Variants in CAP2 observed in about 807,000 individuals in gnomAD.
CAP2 encodes cyclase associated actin cytoskeleton regulatory protein 2.
Under a neutral mutation model 57.7 loss-of-function variants are expected in CAP2, and 24 were observed. The observed-to-expected ratio is 0.42, with a 90% CI of 0.30 to 0.58. The LOEUF is 0.58. Among genes scored for constraint, CAP2 ranks in the 20% least tolerant of loss-of-function variants. The pLI is 0.22. For synonymous variants in CAP2, 194 were observed against 207.2 expected (o/e 0.94, Z 0.55); for missense variants, 501 against 590.3 (o/e 0.85, Z 1.57).
At chr6:17,503,091 T>C (rs540025103) in intron 4 of CAP2, among the ~76,000 whole-genome samples, 1 of 152,304 alleles carries the variant, frequency 6.6e-6, no homozygotes, top group East Asian at 1.9e-4. Flanking sequence ...TTTTGTTTGT[T>C]CTATTGTTGA....
At chr6:17,487,616 C>T (rs1438598776) in intron 4 of CAP2, among the ~76,000 whole-genome samples, 2 of 152,112 alleles carry the variant, frequency 1.3e-5, no homozygotes, top group Non-Finnish European at 2.9e-5. Flanking sequence ...ATTACAGGCA[C>T]CCGCCACCAC....
intron 3 of CAP2, among the ~76,000 whole-genome samples, chr6:17,428,734 C>G (rs1759652311): frequency 6.6e-6 from 1 of 151,620 alleles, no homozygotes; most frequent in Non-Finnish European, 1.5e-5. Context: ...TGTAACTAAC[C>G]TGCACAATGT....
Position 17,506,842 on chromosome 6 carries a change from T to C in CAP2, c.301-327T>C, listed in dbSNP as rs185746919. Among the ~76,000 whole-genome samples the C allele has an allele frequency of 5.7e-4, 87 of 152,316 alleles. 1 individual carries two copies. Among genetic ancestry groups the C allele is most frequent in the African/African-American group, 1.9e-3 (77 of 41,572 alleles). On this transcript the variant is annotated intron_variant, in intron 4 of 12. Coordinates refer to ENST00000229922, the MANE Select transcript of CAP2 (RefSeq NM_006366.3). Reference sequence around the variant, plus strand: ...TGTGATCTATTTGCCATTTGAAATATAAATGATCAACACTCAATTTCACTG... The same window carrying C: ...TGTGATCTATTTGCCATTTGAAATACAAATGATCAACACTCAATTTCACTG...
intron 2 of CAP2, among the ~76,000 whole-genome samples, chr6:17,424,171 C>G (rs1043253759): frequency 2.6e-5 from 4 of 151,908 alleles, no homozygotes; most frequent in Non-Finnish European, 4.4e-5. Flanking sequence ...GAGGCCGCGG[C>G]GAGCCGATCA....
intron 4 of CAP2, among the ~76,000 whole-genome samples, chr6:17,488,651 G>A (rs1205257026): frequency 6.6e-6 from 1 of 152,084 alleles, no homozygotes; most frequent in Non-Finnish European, 1.5e-5. Flanking sequence ...TGAAAAATGA[G>A]GATAATAATA....
intron 6 of CAP2, among the ~76,000 whole-genome samples, chr6:17,509,303 C>T (rs186374551): frequency 5.9e-5 from 9 of 151,712 alleles, no homozygotes; most frequent in South Asian, 2.1e-4. Context: ...AAAATACACA[C>T]GAGATGTTAA....
chr6:17,406,816 C>T (rs988119034), intron 1 of CAP2, among the ~76,000 whole-genome samples: 3 of 152,122 alleles, frequency 2.0e-5, no homozygotes, highest in African/African-American at 4.8e-5. Context: ...CCTGGGCTTG[C>T]CTCACACTCT....
rs537520973 is a variant in CAP2, at chr6:17,500,118, C to T, written c.301-7051C>T. On this transcript the variant is annotated intron_variant, in intron 4 of 12. Transcript: ENST00000229922. ...GTGTTTTTGAAAATATCTCCATGGACGTATTCTGAAATCTCCAAAATGTTC... is the reference window on the plus strand; with the variant it reads ...GTGTTTTTGAAAATATCTCCATGGATGTATTCTGAAATCTCCAAAATGTTC... Among the ~76,000 whole-genome samples the T allele has an allele frequency of 4.8e-3, 715 of 149,878 alleles. 2 individuals carry two copies. Among genetic ancestry groups the T allele is most frequent in the Middle Eastern group, 6.9e-3 (2 of 288 alleles).
rs1761835159 is a variant in CAP2, at chr6:17,502,039, T to C, written c.301-5130T>C. Among the ~76,000 whole-genome samples the C allele has an allele frequency of 2.6e-5, 4 of 152,286 alleles. No individual in the cohort carries two copies. In the South Asian group the frequency reaches 8.3e-4, roughly 32 times the overall value. On this transcript the variant is annotated intron_variant, in intron 4 of 12. Transcript: ENST00000229922. Reference sequence around the variant, plus strand: ...ACCTCAGTGAGACGTTAACAAAAAGTAATCTGAGTGACATCTATGTAAAAG... The same window carrying C: ...ACCTCAGTGAGACGTTAACAAAAAGCAATCTGAGTGACATCTATGTAAAAG...
intron 4 of CAP2, among the ~76,000 whole-genome samples, chr6:17,484,440 T>A (rs1316584962): frequency 6.6e-6 from 1 of 152,130 alleles, no homozygotes; most frequent in Non-Finnish European, 1.5e-5. Flanking sequence ...GGCGGCATCA[T>A]GAGGGTAATG....
chr6:17,502,924 G>T (rs1761864414), intron 4 of CAP2, among the ~76,000 whole-genome samples: 1 of 152,164 alleles, frequency 6.6e-6, no homozygotes, highest in South Asian at 2.1e-4. Context: ...CCTTTGATCA[G>T]GTGTTGTATT....
At chr6:17,507,829 A>G (rs1762031698) in intron 6 of CAP2, 103 bp downstream of exon 6, 1 of 663,528 alleles carries the variant, frequency 1.5e-6, no homozygotes, top group Non-Finnish European at 2.7e-6. Context: ...CCAAGGCTCT[A>G]CACTAATGTA....
At chr6:17,545,625 G>A (rs1763024507) in intron 11 of CAP2, among the ~76,000 whole-genome samples, 1 of 152,110 alleles carries the variant, frequency 6.6e-6, no homozygotes, top group African/African-American at 2.4e-5. Context: ...GTATACATGT[G>A]CCATGTTGGT....
At chr6:17,510,590 G>A (rs751426774) in intron 6 of CAP2, among the ~76,000 whole-genome samples, 2 of 152,330 alleles carry the variant, frequency 1.3e-5, no homozygotes, top group Admixed American at 6.5e-5. Context: ...AAATGTTGCC[G>A]TGTTGTATTA....
chr6:17,487,064 T>G (rs1761436986), intron 4 of CAP2, among the ~76,000 whole-genome samples: 1 of 152,228 alleles, frequency 6.6e-6, no homozygotes. Flanking sequence ...CCATCACTTT[T>G]CTTGCTCACC....
At chr6:17,483,792 G>A (rs1230394723) in intron 4 of CAP2, among the ~76,000 whole-genome samples, 2 of 152,008 alleles carry the variant, frequency 1.3e-5, no homozygotes, top group South Asian at 2.1e-4. Flanking sequence ...TGTTTTCCCC[G>A]GCATGGCTGA....
At chr6:17,414,247 T>C (rs965109015) in intron 1 of CAP2, among the ~76,000 whole-genome samples, 1 of 152,048 alleles carries the variant, frequency 6.6e-6, no homozygotes, top group African/African-American at 2.4e-5. Flanking sequence ...TTCCTGTCAC[T>C]TCAAGTCTAT....
intron 1 of CAP2, among the ~76,000 whole-genome samples, chr6:17,406,223 A>G (rs1232928002): frequency 1.3e-5 from 2 of 151,966 alleles, no homozygotes; most frequent in Non-Finnish European, 2.9e-5. Flanking sequence ...TTCTTCTGGA[A>G]AGACTAGATT....
intron 1 of CAP2, among the ~76,000 whole-genome samples, chr6:17,395,855 T>C (rs1384452886): frequency 6.6e-6 from 1 of 152,170 alleles, no homozygotes. Flanking sequence ...ACTAGATAGT[T>C]GTGAAAAGAT....
Sources: allele counts gnomAD v4.1 joint callset (sites outside exome capture counted in the v4.1 genomes callset), GRCh38; gene constraint gnomAD v4.1.1; transcripts MANE v1.5; gene names NCBI Gene and HGNC (gene_info 2026-07-23, HGNC 2026-07-21).